The following RAB3GAP2 variants were observed in gnomAD, a reference collection of about 807,000 sequenced individuals.
RAB3GAP2 encodes RAB3 GTPase activating non-catalytic protein subunit 2.
In RAB3GAP2, 87 loss-of-function variants were observed where a neutral mutation model predicts 185.3. The ratio of observed to expected loss-of-function variants is 0.47; its 90% CI spans 0.39 to 0.56. The LOEUF (loss-of-function observed/expected upper bound fraction) is 0.56. Among genes scored for constraint, RAB3GAP2 ranks in the 20% least tolerant of loss-of-function variants. The pLI, the probability that RAB3GAP2 is intolerant of heterozygous loss-of-function variation, is 0.00. For synonymous variants in RAB3GAP2, 554 were observed against 576.1 expected (o/e 0.96, Z 0.55); for missense variants, 1,492 against 1,638.2 (o/e 0.91, Z 1.54).
chr1:220,194,744 C>T (rs963215355), intron 12 of RAB3GAP2, among the ~76,000 whole-genome samples: 1 of 152,200 alleles, frequency 6.6e-6, no homozygotes, highest in African/African-American at 2.4e-5. Flanking sequence ...GTTTATACAA[C>T]TTAGTAACAA....
intron 2 of RAB3GAP2, among the ~76,000 whole-genome samples, chr1:220,222,046 A>G (rs1659316043): frequency 6.6e-6 from 1 of 152,214 alleles, no homozygotes. Flanking sequence ...GATCCAGTGT[A>G]ATCTAAGGGC....
In RAB3GAP2 at chr1:220,196,389, G is replaced by T; in HGVS notation, c.821C>A (p.Thr274Asn). ...IIDHASVGIM[T>N]LSPFDQMKTA... ...CTTCATTTGATCAAAGGGGGACAGAGTCATAATACCTAATAAAAAAAAAAA... is the reference window on the plus strand; with the variant it reads ...CTTCATTTGATCAAAGGGGGACAGATTCATAATACCTAATAAAAAAAAAAA... The change falls in exon 10 of 35, where the codon ACT (threonine) becomes AAT (asparagine). Residue 274 changes from threonine (T) to asparagine (N), a missense_variant. Coordinates refer to ENST00000358951, the MANE Select transcript of RAB3GAP2 (RefSeq NM_012414.4). 6.3e-7 allele frequency: 1 copy of T among 1,595,538 alleles called. No individual in the cohort carries two copies. Among genetic ancestry groups the T allele is most frequent in the Non-Finnish European group, 8.6e-7 (1 of 1,166,804 alleles).
In RAB3GAP2 at chr1:220,148,985, C is replaced by T. The variant is rs1210742909; in HGVS notation, c.*2266G>A. The T allele has an allele frequency of 6.6e-6, 1 of 152,116 alleles. No homozygotes were observed. Among genetic ancestry groups the T allele is most frequent in the Admixed American group, 6.6e-5 (1 of 15,262 alleles). The allele number at this position is 152,116 out of a possible 1,614,324, so 9.4% of individuals were successfully genotyped here. On this transcript the variant is annotated 3_prime_UTR_variant, in exon 35 of 35. Transcript: ENST00000358951. ...GAGGGTGGGCATATATCTAGGAAAA[C>T]ACTACTGGTTACTGGCTTCTCATCA...
chr1:220,261,765 T>C (rs1660141166), intron 1 of RAB3GAP2, among the ~76,000 whole-genome samples: 1 of 152,154 alleles, frequency 6.6e-6, no homozygotes, highest in Non-Finnish European at 1.5e-5. Context: ...TTTGCTACAC[T>C]TTTACTTAAA....
intron 18 of RAB3GAP2, among the ~76,000 whole-genome samples, chr1:220,184,713 T>C (rs538681928): frequency 6.6e-6 from 1 of 152,230 alleles, no homozygotes; most frequent in Admixed American, 6.5e-5. Context: ...AACAATGGTG[T>C]TTGGTTTACT....
chr1:220,261,050 A>G (rs1558174526), intron 1 of RAB3GAP2, among the ~76,000 whole-genome samples: 1 of 152,036 alleles, frequency 6.6e-6, no homozygotes. Flanking sequence ...GGTGGTTTTT[A>G]TGTCTGATTT....
intron 30 of RAB3GAP2, 29 bp from the exon 31 acceptor site, chr1:220,157,517 T>C: frequency 6.2e-7 from 1 of 1,600,372 alleles, no homozygotes; most frequent in Non-Finnish European, 8.6e-7. Context: ...GAGGACTGTG[T>C]TCAGTAATGG....
At chr1:220,186,231 C>T (rs1658505120) in intron 17 of RAB3GAP2, among the ~76,000 whole-genome samples, 1 of 152,122 alleles carries the variant, frequency 6.6e-6, no homozygotes, top group Admixed American at 6.6e-5. Context: ...CCTCCCTCTC[C>T]CCACCCCCAT....
At chr1:220,216,595 A>G (rs1659206022) in intron 2 of RAB3GAP2, among the ~76,000 whole-genome samples, 1 of 152,192 alleles carries the variant, frequency 6.6e-6, no homozygotes, top group Admixed American at 6.5e-5. Flanking sequence ...GGAGCTTAGA[A>G]GAGGACAGCT....
chr1:220,150,047 C>A lies in RAB3GAP2; in HGVS notation c.*1204G>T, dbSNP rs928597456. ...TTCTAAAAATATACCACAATAAATA[C>A]TTGGTATTTGTAGAGCTCAAAGCAC... On this transcript the variant is annotated 3_prime_UTR_variant, in exon 35 of 35. Transcript: ENST00000358951. 1 of 151,188 alleles carries A rather than the reference C, an allele frequency of 6.6e-6. No homozygotes were observed. Among genetic ancestry groups the A allele is most frequent in the Non-Finnish European group, 1.5e-5 (1 of 67,880 alleles). The allele number at this position is 151,188 out of a possible 1,614,324, so 9.4% of individuals were successfully genotyped here. A position where few individuals can be genotyped will look rare whatever the true frequency, so the allele number is the denominator to read the frequency against.
At chr1:220,203,113 G>A (rs1330903207) in intron 8 of RAB3GAP2, among the ~76,000 whole-genome samples, 2 of 152,134 alleles carry the variant, frequency 1.3e-5, no homozygotes, top group South Asian at 4.1e-4. Context: ...CACACACACA[G>A]CAAGGTCTCT....
chr1:220,182,884 G>C lies in RAB3GAP2; in HGVS notation c.2046C>G (p.Leu682=). The C allele has an allele frequency of 6.2e-7, 1 of 1,613,420 alleles. No individual in the cohort carries two copies. Among genetic ancestry groups the C allele is most frequent in the South Asian group, 1.1e-5 (1 of 91,050 alleles). The change falls in exon 20 of 35, where the codon CTC becomes CTG. Residue 682 remains leucine, a synonymous_variant. Coordinates refer to ENST00000358951, the MANE Select transcript of RAB3GAP2 (RefSeq NM_012414.4). The part of the protein sequence containing the change: ...LRLDEKELLK[L]QALLEKYKQE... ...GCTTATATTTCTCTAGTAATGCCTG[G>C]AGCTTAAGCAGTTCTTTTTCATCAA...
At chr1:220,215,620 T>C (rs1167992989) in intron 2 of RAB3GAP2, among the ~76,000 whole-genome samples, 1 of 152,204 alleles carries the variant, frequency 6.6e-6, no homozygotes, top group Non-Finnish European at 1.5e-5. Context: ...ACTCTTTACA[T>C]ACAAAAAGAA....
At chr1:220,203,412 C>A (rs375865188) in intron 8 of RAB3GAP2, among the ~76,000 whole-genome samples, 13 of 152,012 alleles carry the variant, frequency 8.6e-5, no homozygotes, top group African/African-American at 1.9e-4. Flanking sequence ...ATTGACAGTA[C>A]GGCCAAGAAA....
Position 220,157,775 on chromosome 1 carries a change from T to A in RAB3GAP2, c.3336+27A>T, listed in dbSNP as rs200020786. The A allele has an allele frequency of 3.4e-3, 5,313 of 1,559,810 alleles. 12 individuals carry two copies. Among genetic ancestry groups the A allele is most frequent in the Non-Finnish European group, 4.4e-3 (4,947 of 1,130,942 alleles). On this transcript the variant is annotated intron_variant, in intron 30 of 34. Transcript: ENST00000358951. ...GAATATGTAATATCTTAGGAGCAGTTCAGAATGAAAAATACACCTCTTTTA... is the reference window on the plus strand; with the variant it reads ...GAATATGTAATATCTTAGGAGCAGTACAGAATGAAAAATACACCTCTTTTA...
chr1:220,179,929 C>T (rs547436677), intron 21 of RAB3GAP2, among the ~76,000 whole-genome samples: 5 of 152,190 alleles, frequency 3.3e-5, no homozygotes, highest in African/African-American at 1.2e-4. Flanking sequence ...TTTGGGAGGC[C>T]GAGACAGGCA....
At chr1:220,258,884 A>G (rs561222266) in intron 1 of RAB3GAP2, among the ~76,000 whole-genome samples, 1 of 152,360 alleles carries the variant, frequency 6.6e-6, no homozygotes, top group South Asian at 2.1e-4. Flanking sequence ...CAACTTCAGC[A>G]AAGTCTCAGG....
intron 2 of RAB3GAP2, among the ~76,000 whole-genome samples, chr1:220,223,671 T>C (rs1425964634): frequency 1.3e-5 from 2 of 150,812 alleles, no homozygotes; most frequent in Non-Finnish European, 3.0e-5. Context: ...GTTAAAAACA[T>C]GGGTGGAGAG....
In RAB3GAP2 at chr1:220,167,431, T is replaced by G. The variant is rs780103146; in HGVS notation, c.2981-32A>C. ...GTCAGAAGAAAGCAGTGATGTTATTTTTTTCCTTAATGAACACTTGGCCAC... is the reference window on the plus strand; with the variant it reads ...GTCAGAAGAAAGCAGTGATGTTATTGTTTTCCTTAATGAACACTTGGCCAC... On this transcript the variant is annotated intron_variant, in intron 25 of 34. Transcript: ENST00000358951. The G allele has an allele frequency of 1.1e-5, 18 of 1,613,334 alleles. No homozygotes were observed. The South Asian group carries it at 1.6e-4, about 15-fold the overall frequency.
Sources: allele counts gnomAD v4.1 joint callset (sites outside exome capture counted in the v4.1 genomes callset), GRCh38; gene constraint gnomAD v4.1.1; transcripts MANE v1.5; gene names NCBI Gene and HGNC (gene_info 2026-07-23, HGNC 2026-07-21).